The following TTC29 variants were observed in gnomAD, a reference collection of about 807,000 sequenced individuals.
TTC29 encodes the protein tetratricopeptide repeat protein 29.
TTC29 carries 49 observed loss-of-function variants against 58.1 expected under a neutral mutation model. That is an observed-to-expected ratio of 0.84 (90% CI 0.67 to 1.07). TTC29 has a LOEUF of 1.07. Ranked by LOEUF, TTC29 falls within the 50% of genes least tolerant of loss-of-function variation. The pLI is 0.00. For synonymous variants in TTC29, 209 were observed against 196.8 expected, an observed-to-expected ratio of 1.06 and a Z score of -0.52; for missense variants, 582 against 555.6, an observed-to-expected ratio of 1.05 and a Z score of -0.48.
chr4:146,942,615 G>C, intron 2 of TTC29: 2 of 1,533,998 alleles, frequency 1.3e-6, no homozygotes, highest in Non-Finnish European at 1.7e-6. Flanking sequence ...TTTCCACAGA[G>C]TTCCAGAGTC....
intron 11 of TTC29, among the ~76,000 whole-genome samples, chr4:146,778,976 C>CAAAAAAAAAAAAAAAA (rs369374851): frequency 0.032 from 916 of 28,544 alleles, 23 homozygotes; most frequent in East Asian, 0.034. Context: ...CCTAAATAAG[C>CAAAAAAAAAAAAAAAA]AAAAAAAAAA....
At chr4:146,865,637 A>G (rs1730515432) in intron 8 of TTC29, among the ~76,000 whole-genome samples, 2 of 152,182 alleles carry the variant, frequency 1.3e-5, no homozygotes, top group South Asian at 4.1e-4. Flanking sequence ...AAATCTGCAC[A>G]TGTACCCCTG....
At chr4:146,760,477 A>C (rs1211228237) in intron 11 of TTC29, among the ~76,000 whole-genome samples, 1 of 151,994 alleles carries the variant, frequency 6.6e-6, no homozygotes, top group African/African-American at 2.4e-5. Flanking sequence ...CCACATAGCC[A>C]AACCAAGAGT....
intron 4 of TTC29, among the ~76,000 whole-genome samples, chr4:146,922,036 A>G (rs1170091239): frequency 6.7e-6 from 1 of 149,792 alleles, no homozygotes; most frequent in Non-Finnish European, 1.5e-5. Context: ...AAAAAGAAAG[A>G]AAGAAAACAC....
intron 11 of TTC29, among the ~76,000 whole-genome samples, chr4:146,748,335 T>A (rs2150044186): frequency 6.6e-6 from 1 of 152,254 alleles, no homozygotes; most frequent in South Asian, 2.1e-4. Flanking sequence ...CACTCATGTC[T>A]TGGAGAGTGA....
chr4:146,852,593 C>T (rs1347513457), intron 8 of TTC29, among the ~76,000 whole-genome samples: 1 of 152,238 alleles, frequency 6.6e-6, no homozygotes, highest in Non-Finnish European at 1.5e-5. Flanking sequence ...ACTCTTGCTG[C>T]TCCTGCTCCA....
At position 146,867,528 on chromosome 4, in the gene TTC29, T is replaced by TA. The variant is rs1330584330; in HGVS notation, c.854dup (p.Leu285PhefsTer4). The TA allele has an allele frequency of 6.4e-7, 1 of 1,553,370 alleles. No individual in the cohort carries two copies. The highest frequency in any genetic ancestry group is 8.7e-7 in the Non-Finnish European group (1 of 1,148,076). On this transcript the variant is annotated frameshift_variant, in exon 8 of 13. Transcript: ENST00000325106. LOFTEE classifies it high-confidence loss of function. Reference sequence around the variant, plus strand: ...ATGCTGTTTCATATTCCTCAGCAGCTAAGTGTGCTAAGCCCAAGTAGTAAG... The same window carrying TA: ...ATGCTGTTTCATATTCCTCAGCAGCTAAAGTGTGCTAAGCCCAAGTAGTAAG...
At chr4:146,909,484 C>T (rs931188958) in intron 4 of TTC29, among the ~76,000 whole-genome samples, 2 of 152,128 alleles carry the variant, frequency 1.3e-5, no homozygotes, top group African/African-American at 4.8e-5. Flanking sequence ...ACATTATAAA[C>T]ATATCAGTTC....
chr4:146,723,954 C>T (rs992320765), intron 11 of TTC29, among the ~76,000 whole-genome samples: 2 of 152,068 alleles, frequency 1.3e-5, no homozygotes, highest in Non-Finnish European at 2.9e-5. Context: ...GTTCAGAATA[C>T]CAAAGACATG....
At chr4:146,921,450 G>A (rs989728902) in intron 4 of TTC29, among the ~76,000 whole-genome samples, 26 of 151,068 alleles carry the variant, frequency 1.7e-4, no homozygotes, top group South Asian at 4.2e-4. Flanking sequence ...ATTAGTAGGC[G>A]GAGAACAAGA....
At chr4:146,804,409 G>C (rs1035572684) in intron 10 of TTC29, among the ~76,000 whole-genome samples, 5 of 152,134 alleles carry the variant, frequency 3.3e-5, no homozygotes, top group Admixed American at 3.3e-4. Context: ...TGGAAAGGAG[G>C]CTGAAGCCAG....
At chr4:146,935,521 A>G (rs1271542147) in intron 4 of TTC29, among the ~76,000 whole-genome samples, 1 of 152,218 alleles carries the variant, frequency 6.6e-6, no homozygotes, top group East Asian at 1.9e-4. Context: ...TTTATAATGC[A>G]ACCAGACAGG....
chr4:146,935,170 G>C (rs1323015595), intron 4 of TTC29, among the ~76,000 whole-genome samples: 1 of 152,036 alleles, frequency 6.6e-6, no homozygotes, highest in East Asian at 1.9e-4. Flanking sequence ...CACAAGCAGA[G>C]GGACCATGCT....
In TTC29 at chr4:146,817,585, T is replaced by G. The variant is rs550306122; in HGVS notation, c.1101+2540A>C. Reference sequence around the variant, plus strand: ...TTCACAGAATTGGAAAAAACTACTTTAAAGTTCATATGGAATCAAAACAGA... The same window carrying G: ...TTCACAGAATTGGAAAAAACTACTTGAAAGTTCATATGGAATCAAAACAGA... On this transcript the variant is annotated intron_variant, in intron 10 of 12. Coordinates refer to ENST00000325106, the MANE Select transcript of TTC29 (RefSeq NM_031956.4). Among the ~76,000 whole-genome samples the G allele has an allele frequency of 2.6e-5, 4 of 152,282 alleles. No homozygotes were observed. In the South Asian group the frequency reaches 6.2e-4, roughly 24 times the overall value.
chr4:146,732,525 G>A (rs144640880), intron 11 of TTC29, among the ~76,000 whole-genome samples: 2 of 152,248 alleles, frequency 1.3e-5, no homozygotes, highest in East Asian at 3.9e-4. Flanking sequence ...AGAATGGGAT[G>A]CTTAAAATTG....
intron 3 of TTC29, among the ~76,000 whole-genome samples, chr4:146,938,846 A>G (rs1736090725): frequency 6.6e-6 from 1 of 152,220 alleles, no homozygotes; most frequent in South Asian, 2.1e-4. Context: ...TACGTATGCA[A>G]ACTATTTATA....
Position 146,794,143 on chromosome 4 carries a change from T to C in TTC29, c.1330+9314A>G, listed in dbSNP as rs188033104. ...TATTCACAATTCATCATACAAATCT[T>C]CAAAAGTGATTACAATTTAAAGCCC... On this transcript the variant is annotated intron_variant, in intron 11 of 12. Coordinates refer to ENST00000325106, the MANE Select transcript of TTC29 (RefSeq NM_031956.4). Among the ~76,000 whole-genome samples the C allele has an allele frequency of 1.4e-3, 212 of 152,220 alleles. 2 individuals are homozygous for C. Among genetic ancestry groups the C allele is most frequent in the African/African-American group, 5.0e-3 (206 of 41,556 alleles).
At chr4:146,716,632 G>A (rs544019975) in intron 11 of TTC29, among the ~76,000 whole-genome samples, 1 of 152,142 alleles carries the variant, frequency 6.6e-6, no homozygotes, top group East Asian at 1.9e-4. Context: ...TCTAATGTAT[G>A]TTGAGATTTC....
chr4:146,728,848 T>TATATATATAC (rs1744086798), intron 11 of TTC29, among the ~76,000 whole-genome samples: 4 of 67,356 alleles, frequency 5.9e-5, no homozygotes, highest in South Asian at 8.2e-4. Flanking sequence ...CATATATATG[T>TATATATATAC]ATATATATAC....
Sources: gnomAD v4.1 joint callset for allele counts (sites outside exome capture counted in the v4.1 genomes callset) on GRCh38, gnomAD v4.1.1 for gene constraint, MANE v1.5 for transcripts, NCBI Gene and HGNC (gene_info 2026-07-23, HGNC 2026-07-21) for gene names.